The following MAST4 variants were observed in gnomAD, a reference collection of about 807,000 sequenced individuals.
MAST4 encodes the protein microtubule associated serine/threonine kinase family member 4.
A neutral mutation model predicts 162.7 loss-of-function variants in MAST4; 89 were observed. The observed-to-expected ratio is 0.55, with a 90% CI of 0.46 to 0.65. The LOEUF (loss-of-function observed/expected upper bound fraction) is 0.65. Ranked by LOEUF, MAST4 falls within the 30% of genes least tolerant of loss-of-function variation. MAST4 has a pLI of 0.00. For missense variants in MAST4, 3,153 were observed against 3,374.0 expected (o/e 0.93, Z 1.62); for synonymous variants, 1,479 against 1,361.1 (o/e 1.09, Z -1.91).
intron 26 of MAST4, among the ~76,000 whole-genome samples, chr5:67,154,865 A>G (rs145609797): frequency 6.6e-6 from 1 of 152,222 alleles, no homozygotes; most frequent in Non-Finnish European, 1.5e-5. Flanking sequence ...TTCCTTCCAA[A>G]TTTAACCAGT....
intron 3 of MAST4, among the ~76,000 whole-genome samples, chr5:66,808,023 C>A (rs1756288321): frequency 6.6e-6 from 1 of 152,328 alleles, no homozygotes; most frequent in Middle Eastern, 3.4e-3. Flanking sequence ...TTTTTCCTTG[C>A]CCTTTCTTCT....
rs1293748537 is a variant in MAST4, at chr5:66,979,012, G to A, written c.675-75392G>A. Among the ~76,000 whole-genome samples, 3 of 152,072 alleles carry A rather than the reference G, an allele frequency of 2.0e-5. No homozygotes were observed. The South Asian group carries it at 6.2e-4, about 32-fold the overall frequency. On this transcript the variant is annotated intron_variant, in intron 4 of 28. Transcript: ENST00000403625. Reference sequence around the variant, plus strand: ...TGAGAAGGGGAAGGAAGAATGGAAGGCATTGTGAAAGAAGAGTTGACAGGA... The same window carrying A: ...TGAGAAGGGGAAGGAAGAATGGAAGACATTGTGAAAGAAGAGTTGACAGGA...
chr5:67,103,989 C>G (rs544221399), intron 9 of MAST4, among the ~76,000 whole-genome samples: 1 of 152,328 alleles, frequency 6.6e-6, no homozygotes, highest in African/African-American at 2.4e-5. Context: ...TATGTACCCT[C>G]AGATCTGTAT....
intron 3 of MAST4, among the ~76,000 whole-genome samples, chr5:66,895,407 C>T (rs1181464150): frequency 6.6e-6 from 1 of 152,114 alleles, no homozygotes; most frequent in East Asian, 1.9e-4. Context: ...AAATCTACTT[C>T]CAGCCTTAAC....
chr5:66,830,130 T>C (rs1554056497), intron 3 of MAST4, among the ~76,000 whole-genome samples: 1 of 152,192 alleles, frequency 6.6e-6, no homozygotes, highest in Non-Finnish European at 1.5e-5. Flanking sequence ...GGCTCTTTGT[T>C]AAAAAGATGA....
chr5:66,801,517 T>A (rs1367699012), intron 3 of MAST4, among the ~76,000 whole-genome samples: 4 of 152,216 alleles, frequency 2.6e-5, no homozygotes, highest in South Asian at 2.1e-4. Flanking sequence ...TAAACCCCAG[T>A]TGATTATATT....
intron 8 of MAST4, among the ~76,000 whole-genome samples, chr5:67,101,548 T>C (rs1765032199): frequency 6.6e-6 from 1 of 152,214 alleles, no homozygotes; most frequent in South Asian, 2.1e-4. Flanking sequence ...GTATGAGATC[T>C]TTATGCTATA....
chr5:66,770,638 A>G (rs1580410589), intron 2 of MAST4, among the ~76,000 whole-genome samples: 2 of 152,184 alleles, frequency 1.3e-5, no homozygotes, highest in East Asian at 3.9e-4. Flanking sequence ...TGAGGGGAAA[A>G]TTAAGGAAAG....
chr5:67,086,411 A>G (rs1160361355), intron 5 of MAST4, among the ~76,000 whole-genome samples: 1 of 151,806 alleles, frequency 6.6e-6, no homozygotes, highest in Non-Finnish European at 1.5e-5. Flanking sequence ...TTTCTTAACA[A>G]TAGCTGCTGC....
At chr5:66,622,196 A>C (rs1015189006) in intron 1 of MAST4, among the ~76,000 whole-genome samples, 1 of 152,146 alleles carries the variant, frequency 6.6e-6, no homozygotes, top group African/African-American at 2.4e-5. Context: ...TGACTTGTGT[A>C]AAGATTTGAA....
intron 4 of MAST4, among the ~76,000 whole-genome samples, chr5:67,047,084 T>C (rs1264672834): frequency 6.6e-6 from 1 of 152,272 alleles, no homozygotes; most frequent in East Asian, 1.9e-4. Context: ...GCATTGAATT[T>C]TGGAGCTGTT....
chr5:66,650,004 G>A (rs148723816), intron 1 of MAST4, among the ~76,000 whole-genome samples: 74 of 151,908 alleles, frequency 4.9e-4, no homozygotes, highest in African/African-American at 1.6e-3. Flanking sequence ...TCAAATGGCA[G>A]TCTAACCACT....
chr5:66,886,819 A>G (rs1762070053), intron 3 of MAST4, among the ~76,000 whole-genome samples: 2 of 151,614 alleles, frequency 1.3e-5, no homozygotes, highest in African/African-American at 4.9e-5. Flanking sequence ...TCTTGCTTGG[A>G]AATGACTTGA....
intron 1 of MAST4, among the ~76,000 whole-genome samples, chr5:66,674,014 A>G (rs1367035586): frequency 6.6e-6 from 1 of 152,230 alleles, no homozygotes; most frequent in East Asian, 1.9e-4. Context: ...AAAAGTAATG[A>G]GTTGGAAAAG....
At chr5:66,798,251 C>T (rs890766926) in intron 3 of MAST4, among the ~76,000 whole-genome samples, 1 of 152,034 alleles carries the variant, frequency 6.6e-6, no homozygotes, top group Non-Finnish European at 1.5e-5. Flanking sequence ...TGGTAATGTC[C>T]AATTTAGTTA....
intron 5 of MAST4, among the ~76,000 whole-genome samples, chr5:67,081,014 T>TAA (rs1762554008): frequency 7.3e-6 from 1 of 137,176 alleles, no homozygotes; most frequent in African/African-American, 2.8e-5. Flanking sequence ...ATATAATATA[T>TAA]AATTGTATAT....
chr5:66,634,525 G>A (rs1362798679), intron 1 of MAST4, among the ~76,000 whole-genome samples: 1 of 152,092 alleles, frequency 6.6e-6, no homozygotes, highest in Non-Finnish European at 1.5e-5. Context: ...ATTCAGTCTT[G>A]TGCTCATCTT....
intron 2 of MAST4, among the ~76,000 whole-genome samples, chr5:66,786,671 C>T (rs1475666914): frequency 1.3e-5 from 2 of 152,106 alleles, no homozygotes; most frequent in South Asian, 2.1e-4. Context: ...TTTGGGCCTA[C>T]AGGGGACCGA....
At chr5:66,624,826 C>T (rs1298144085) in intron 1 of MAST4, among the ~76,000 whole-genome samples, 3 of 152,142 alleles carry the variant, frequency 2.0e-5, no homozygotes, top group African/African-American at 4.8e-5. Context: ...TAAAATTGGA[C>T]GCCTGTCTCA....
Sources: allele counts gnomAD v4.1 joint callset (sites outside exome capture counted in the v4.1 genomes callset), GRCh38; gene constraint gnomAD v4.1.1; transcripts MANE v1.5; gene names NCBI Gene and HGNC (gene_info 2026-07-23, HGNC 2026-07-21).